ADARB2: variants seen among roughly 807,000 people sequenced by gnomAD.
ADARB2 encodes inactive double-stranded RNA-specific editase B2.
A neutral mutation model predicts 62.2 loss-of-function variants in ADARB2; 25 were observed. That is an observed-to-expected ratio of 0.40 (90% CI 0.29 to 0.56). ADARB2 has a LOEUF of 0.56. Ranked by LOEUF, ADARB2 falls within the 20% of genes least tolerant of loss-of-function variation. The probability of loss-of-function intolerance (pLI) is 0.43; values close to 1 mark genes in which losing one functional copy is unlikely to be tolerated. For synonymous variants in ADARB2, 572 were observed against 500.8 expected, an observed-to-expected ratio of 1.14 and a Z score of -1.90; for missense variants, 1,071 against 1,077.4, an observed-to-expected ratio of 0.99 and a Z score of 0.08.
chr10:1,517,041 C>T (rs1003330819), intron 1 of ADARB2, among the ~76,000 whole-genome samples: 1 of 152,142 alleles, frequency 6.6e-6, no homozygotes, highest in Non-Finnish European at 1.5e-5. Context: ...ACATTTGATC[C>T]CAGCGGTCGT....
intron 1 of ADARB2, among the ~76,000 whole-genome samples, chr10:1,625,998 G>A (rs1033297423): frequency 3.3e-5 from 4 of 120,216 alleles, no homozygotes; most frequent in Non-Finnish European, 8.0e-5. Flanking sequence ...ATGGACACAG[G>A]CCTCCACTGG....
At chr10:1,269,528 C>A (rs915811152) in intron 4 of ADARB2, among the ~76,000 whole-genome samples, 3 of 152,206 alleles carry the variant, frequency 2.0e-5, no homozygotes, top group Admixed American at 6.5e-5. Context: ...TTCAAAATAA[C>A]CTGATCAGGT....
chr10:1,639,149 T>C (rs528664433), intron 1 of ADARB2, among the ~76,000 whole-genome samples: 1 of 152,308 alleles, frequency 6.6e-6, no homozygotes, highest in South Asian at 2.1e-4. Flanking sequence ...CCCATGGGCA[T>C]GAGTGCTCTC....
At chr10:1,623,915 T>C (rs1288508751) in intron 1 of ADARB2, among the ~76,000 whole-genome samples, 2 of 152,214 alleles carry the variant, frequency 1.3e-5, no homozygotes, top group African/African-American at 2.4e-5. Flanking sequence ...TTGGCCAAGG[T>C]AGCTCAGCTG....
intron 1 of ADARB2, among the ~76,000 whole-genome samples, chr10:1,529,382 G>C (rs189145006): frequency 6.6e-6 from 1 of 152,054 alleles, no homozygotes; most frequent in African/African-American, 2.4e-5. Flanking sequence ...CCAACACTGC[G>C]AGTCCCCCAC....
chr10:1,509,694 A>G (rs372705947), intron 1 of ADARB2, among the ~76,000 whole-genome samples: 1 of 152,254 alleles, frequency 6.6e-6, no homozygotes, highest in African/African-American at 2.4e-5. Flanking sequence ...GCTGATGTGC[A>G]GTTTCTCATT....
At chr10:1,365,769 C>G (rs930147086) in intron 2 of ADARB2, among the ~76,000 whole-genome samples, 1 of 152,166 alleles carries the variant, frequency 6.6e-6, no homozygotes, top group Non-Finnish European at 1.5e-5. Context: ...GAGATGCATC[C>G]TAGAGAAACC....
chr10:1,497,542 C>T (rs1831709071), intron 1 of ADARB2, among the ~76,000 whole-genome samples: 1 of 152,158 alleles, frequency 6.6e-6, no homozygotes, highest in Non-Finnish European at 1.5e-5. Flanking sequence ...GTATTAAACA[C>T]TTATTGTTCT....
At chr10:1,187,793 G>C in intron 8 of ADARB2, 1 of 397,782 alleles carries the variant, frequency 2.5e-6, no homozygotes, top group South Asian at 1.8e-5. Context: ...AGCGAGGGAG[G>C]CGCTGGCGGG....
intron 3 of ADARB2, among the ~76,000 whole-genome samples, chr10:1,341,893 G>A (rs1043864132): frequency 2.6e-5 from 4 of 152,266 alleles, no homozygotes; most frequent in Non-Finnish European, 5.9e-5. Flanking sequence ...AGAACAAAGT[G>A]CCCCGCAGTG....
chr10:1,443,090 C>A (rs911374622), intron 1 of ADARB2, among the ~76,000 whole-genome samples: 24 of 151,990 alleles, frequency 1.6e-4, no homozygotes, highest in African/African-American at 5.3e-4. Context: ...AAACAACAAA[C>A]AAACAAACAA....
chr10:1,320,307 G>C (rs1263308931), intron 3 of ADARB2, among the ~76,000 whole-genome samples: 1 of 152,188 alleles, frequency 6.6e-6, no homozygotes, highest in African/African-American at 2.4e-5. Context: ...CTCCCCAAAA[G>C]TATGTGAATT....
At chr10:1,243,264 G>C (rs1249165853) in intron 4 of ADARB2, among the ~76,000 whole-genome samples, 1 of 152,258 alleles carries the variant, frequency 6.6e-6, no homozygotes, top group Admixed American at 6.5e-5. Flanking sequence ...GGCCAAGGGA[G>C]GGCAGCACGG....
At chr10:1,672,435 G>A (rs77399937) in intron 1 of ADARB2, among the ~76,000 whole-genome samples, 1 of 152,104 alleles carries the variant, frequency 6.6e-6, no homozygotes, top group Non-Finnish European at 1.5e-5. Context: ...ACACCCAAGC[G>A]GGCATACTGA....
intron 6 of ADARB2, among the ~76,000 whole-genome samples, chr10:1,221,499 G>A (rs556757149): frequency 6.6e-6 from 1 of 151,500 alleles, no homozygotes; most frequent in Non-Finnish European, 1.5e-5. Flanking sequence ...CATGTGCCAT[G>A]TTGGTGTGCT....
chr10:1,509,398 C>T (rs1317718085), intron 1 of ADARB2, among the ~76,000 whole-genome samples: 1 of 152,194 alleles, frequency 6.6e-6, no homozygotes, highest in Non-Finnish European at 1.5e-5. Flanking sequence ...TCACTATTAA[C>T]TAATTCTGAA....
rs544417562 is a variant in ADARB2 at position 1,704,903 on chromosome 10, G to T, written c.100+32148C>A. On this transcript the variant is annotated intron_variant, in intron 1 of 9. Transcript: ENST00000381312. The surrounding 1 kb of genome is among the most constrained non-coding windows in gnomAD (Gnocchi z 5.6). ...GCAGTTTATCATTTGAGCAGGAAAAGGGTGCAGGGGAGACCATGAGGGCGT... is the reference window on the plus strand; with the variant it reads ...GCAGTTTATCATTTGAGCAGGAAAATGGTGCAGGGGAGACCATGAGGGCGT... 6.6e-6 allele frequency among the ~76,000 whole-genome samples: 1 copy of T among 152,066 alleles called. No homozygotes were observed. Among genetic ancestry groups the T allele is most frequent in the East Asian group, 1.9e-4 (1 of 5,168 alleles).
intron 1 of ADARB2, among the ~76,000 whole-genome samples, chr10:1,693,751 G>A (rs570967044): frequency 2.3e-4 from 35 of 152,286 alleles, no homozygotes; most frequent in Middle Eastern, 3.4e-3. Flanking sequence ...GCAAACTAGA[G>A]AAAAGGTTAA....
At chr10:1,681,900 G>A (rs1425904929) in intron 1 of ADARB2, among the ~76,000 whole-genome samples, 1 of 152,164 alleles carries the variant, frequency 6.6e-6, no homozygotes, top group Non-Finnish European at 1.5e-5. Flanking sequence ...AGGGTGTGAG[G>A]GTGCATCTAT....
Sources: gnomAD v4.1 joint callset for allele counts (sites outside exome capture counted in the v4.1 genomes callset) on GRCh38, gnomAD v4.1.1 for gene constraint, Gnocchi (gnomAD v3.1) non-coding constraint, MANE v1.5 for transcripts, NCBI Gene and HGNC (gene_info 2026-07-23, HGNC 2026-07-21) for gene names.